The following PRKN variants were observed in gnomAD, a reference collection of about 807,000 sequenced individuals.
PRKN encodes the protein E3 ubiquitin-protein ligase parkin.
PRKN carries 56 observed loss-of-function variants against 59.5 expected under a neutral mutation model. The observed-to-expected ratio is 0.94, with a 90% CI of 0.76 to 1.18. PRKN has a LOEUF of 1.18. PRKN is among the 50% of genes most tolerant of loss of function. The pLI, the probability that PRKN is intolerant of heterozygous loss-of-function variation, is 0.00. For missense variants in PRKN, 657 were observed against 596.4 expected (o/e 1.10, Z -1.06); for synonymous variants, 250 against 222.1 (o/e 1.13, Z -1.12).
Position 162,346,631 on chromosome 6 carries a change from C to A in PRKN, c.172-83866G>T, listed in dbSNP as rs935080575. ...GTGAGACCTTGCCCCCATACCCCCA[C>A]CCCCAAAAACAAGAAAAAAAAAGTC... On this transcript the variant is annotated intron_variant, in intron 2 of 11. Coordinates refer to ENST00000366898, the MANE Select transcript of PRKN (RefSeq NM_004562.3). 2.0e-5 allele frequency among the ~76,000 whole-genome samples: 3 copies of A among 151,668 alleles called. No homozygotes were observed. The East Asian group carries it at 5.8e-4, about 29-fold the overall frequency.
In PRKN at chr6:162,490,592, C is replaced by T. The variant is rs1583661399; in HGVS notation, c.8-47119G>A. ...ATTCTACCTTTTTTCTTTAAGAAAACAAAACGAATTTCATGCTTATTTGAT... is the reference window on the plus strand; with the variant it reads ...ATTCTACCTTTTTTCTTTAAGAAAATAAAACGAATTTCATGCTTATTTGAT... On this transcript the variant is annotated intron_variant, in intron 1 of 11. Transcript: ENST00000366898. Among the ~76,000 whole-genome samples the T allele has an allele frequency of 3.9e-5, 6 of 152,184 alleles. 2 individuals are homozygous for T. Among genetic ancestry groups the T allele is most frequent in the Admixed American group, 3.9e-4 (6 of 15,288 alleles).
At chr6:161,534,351 T>C (rs1779332311) in intron 9 of PRKN, among the ~76,000 whole-genome samples, 1 of 152,222 alleles carries the variant, frequency 6.6e-6, no homozygotes. Context: ...AACCTTTTCC[T>C]TTCTCACTGC....
At chr6:162,400,455 A>AT (rs1787721459) in intron 2 of PRKN, among the ~76,000 whole-genome samples, 1 of 94,704 alleles carries the variant, frequency 1.1e-5, no homozygotes, top group African/African-American at 4.0e-5. Flanking sequence ...ACATGTAAAT[A>AT]TCAAAAAAAA....
At position 161,458,204 on chromosome 6, in the gene PRKN, C is replaced by T. The variant is rs182630726; in HGVS notation, c.1084-71327G>A. Among the ~76,000 whole-genome samples, 9 of 152,184 alleles carry T rather than the reference C, an allele frequency of 5.9e-5. No individual in the cohort carries two copies. Among genetic ancestry groups the T allele is most frequent in the East Asian group, 1.9e-4 (1 of 5,190 alleles). ...AATAAATCTTAGTGCAGCTGCTTATCGAGCTAAAGAAGGCCTGGTGTCTCT... is the reference window on the plus strand; with the variant it reads ...AATAAATCTTAGTGCAGCTGCTTATTGAGCTAAAGAAGGCCTGGTGTCTCT... On this transcript the variant is annotated intron_variant, in intron 9 of 11. Transcript: ENST00000366898. The surrounding 1 kb of genome is among the most constrained non-coding windows in gnomAD (Gnocchi z 6.1).
intron 7 of PRKN, among the ~76,000 whole-genome samples, chr6:161,772,512 A>G (rs1789738934): frequency 6.6e-6 from 1 of 152,196 alleles, no homozygotes; most frequent in South Asian, 2.1e-4. Flanking sequence ...CCAAAACACC[A>G]AATCTGAAGC....
At chr6:161,539,183 T>C (rs530128) in intron 9 of PRKN, among the ~76,000 whole-genome samples, 16,737 of 152,274 alleles carry the variant, frequency 0.11, 963 homozygotes, top group African/African-American at 0.13. Flanking sequence ...TAAGAACTAT[T>C]TAAACTATTT....
intron 7 of PRKN, among the ~76,000 whole-genome samples, chr6:161,722,976 C>G (rs1299424324): frequency 2.0e-5 from 3 of 152,086 alleles, no homozygotes; most frequent in Non-Finnish European, 4.4e-5. Flanking sequence ...AGGAGTTAAA[C>G]AGTGCACGCT....
Position 161,446,317 on chromosome 6 carries a change from T to C in PRKN, c.1084-59440A>G, listed in dbSNP as rs935932715. On this transcript the variant is annotated intron_variant, in intron 9 of 11. Coordinates refer to ENST00000366898, the MANE Select transcript of PRKN (RefSeq NM_004562.3). The surrounding 1 kb of genome is among the most constrained non-coding windows in gnomAD (Gnocchi z 6.2). Reference sequence around the variant, plus strand: ...GGGGCTGAGCAGGGAGCACCATGCTTGTAGGCCTTTGGGGAGGTTTCGAGG... The same window carrying C: ...GGGGCTGAGCAGGGAGCACCATGCTCGTAGGCCTTTGGGGAGGTTTCGAGG... 6.6e-6 allele frequency among the ~76,000 whole-genome samples: 1 copy of C among 152,100 alleles called. No homozygotes were observed. Among genetic ancestry groups the C allele is most frequent in the African/African-American group, 2.4e-5 (1 of 41,416 alleles).
intron 2 of PRKN, among the ~76,000 whole-genome samples, chr6:162,353,100 C>T (rs1349180887): frequency 2.0e-5 from 3 of 152,110 alleles, no homozygotes; most frequent in South Asian, 4.1e-4. Context: ...TTTAGAAGTT[C>T]TCACTAAGTG....
intron 4 of PRKN, among the ~76,000 whole-genome samples, chr6:162,116,395 T>C (rs1445846279): frequency 6.6e-6 from 1 of 152,176 alleles, no homozygotes; most frequent in Admixed American, 6.5e-5. Flanking sequence ...ATTTCTGCAT[T>C]ATGATTCTGG....
chr6:162,557,937 G>C (rs1779677321), intron 1 of PRKN, among the ~76,000 whole-genome samples: 1 of 152,178 alleles, frequency 6.6e-6, no homozygotes, highest in Non-Finnish European at 1.5e-5. Flanking sequence ...TCAAGAATCA[G>C]ATCATGGGGG....
intron 1 of PRKN, among the ~76,000 whole-genome samples, chr6:162,626,352 T>C (rs1327963320): frequency 1.3e-5 from 2 of 152,186 alleles, no homozygotes; most frequent in East Asian, 3.9e-4. Flanking sequence ...AGGGACAGCA[T>C]AATACTTGCA....
At chr6:161,845,921 T>C (rs1175533704) in intron 6 of PRKN, among the ~76,000 whole-genome samples, 2 of 152,202 alleles carry the variant, frequency 1.3e-5, no homozygotes, top group Non-Finnish European at 2.9e-5. Context: ...ATGAGTTTAA[T>C]GGACACCGTG....
At chr6:162,032,172 A>C (rs1783668720) in intron 5 of PRKN, among the ~76,000 whole-genome samples, 1 of 152,190 alleles carries the variant, frequency 6.6e-6, no homozygotes, top group South Asian at 2.1e-4. Context: ...TTTATATTTA[A>C]GAAGCATATT....
chr6:161,504,337 G>C (rs1778070149), intron 9 of PRKN, among the ~76,000 whole-genome samples: 1 of 152,166 alleles, frequency 6.6e-6, no homozygotes, highest in Non-Finnish European at 1.5e-5. Flanking sequence ...CTCCCTGCCA[G>C]GCATAGCCTT....
At position 161,488,544 on chromosome 6, in the gene PRKN, T is replaced by C. The variant is rs185682946; in HGVS notation, c.1083+60310A>G. On this transcript the variant is annotated intron_variant, in intron 9 of 11. Transcript: ENST00000366898. This position sits in a 1 kb window ranked among gnomAD's most constrained non-coding sequence, Gnocchi z 4.5. ...TTCCTCTGCCACGTAGGCTGAAGTG[T>C]GGTGGTGCCATCATAGCTCACTGCA... Among the ~76,000 whole-genome samples, 1 of 152,292 alleles carries C rather than the reference T, an allele frequency of 6.6e-6. No homozygotes were observed. Among genetic ancestry groups the C allele is most frequent in the East Asian group, 1.9e-4 (1 of 5,172 alleles).
intron 2 of PRKN, among the ~76,000 whole-genome samples, chr6:162,276,221 C>A (rs966781902): frequency 2.0e-5 from 3 of 152,148 alleles, no homozygotes; most frequent in Admixed American, 2.0e-4. Flanking sequence ...CGTCTTCCAT[C>A]TTAATCTTCT....
At chr6:162,589,761 A>G (rs1363085164) in intron 1 of PRKN, among the ~76,000 whole-genome samples, 2 of 152,168 alleles carry the variant, frequency 1.3e-5, no homozygotes, top group Admixed American at 1.3e-4. Context: ...CCATTACTAG[A>G]AATCTGGTCT....
At chr6:161,844,206 A>G (rs1022631725) in intron 6 of PRKN, among the ~76,000 whole-genome samples, 16 of 152,232 alleles carry the variant, frequency 1.1e-4, no homozygotes, top group African/African-American at 3.6e-4. Context: ...TTTAAAGACT[A>G]AAAGATCTTT....
Sources: allele counts gnomAD v4.1 joint callset (sites outside exome capture counted in the v4.1 genomes callset), GRCh38; gene constraint gnomAD v4.1.1; non-coding constraint Gnocchi (gnomAD v3.1); transcripts MANE v1.5; gene names NCBI Gene and HGNC (gene_info 2026-07-23, HGNC 2026-07-21).